The following NALF1 variants were observed in gnomAD, a reference collection of about 807,000 sequenced individuals.
The protein encoded by NALF1 is family with sequence similarity 155 member A.
Under a neutral mutation model 48.4 loss-of-function variants are expected in NALF1, and 3 were observed. The observed-to-expected ratio is 0.06, with a 90% confidence interval of 0.03 to 0.16. The LOEUF (loss-of-function observed/expected upper bound fraction) is 0.16. NALF1 is among the 10% of genes least tolerant of loss of function. The probability of loss-of-function intolerance (pLI) is 1.00; values close to 1 mark genes in which losing one functional copy is unlikely to be tolerated. For synonymous variants in NALF1, 262 were observed against 245.7 expected, an observed-to-expected ratio of 1.07 and a Z score of -0.62; for missense variants, 526 against 571.5, an observed-to-expected ratio of 0.92 and a Z score of 0.81.
intron 1 of NALF1, among the ~76,000 whole-genome samples, chr13:107,502,547 C>G (rs905657352): frequency 6.6e-6 from 1 of 152,178 alleles, no homozygotes; most frequent in Non-Finnish European, 1.5e-5. Flanking sequence ...ACCATCACCA[C>G]AGGTTACCTT....
Position 107,510,755 on chromosome 13 carries a change from C to T in NALF1, c.916-300000G>A, listed in dbSNP as rs754780925. ...GACATTCTGTGACCATGATGGACCACGAGCTCTGCATTCACACCTGAGCAC... is the reference window on the plus strand; with the variant it reads ...GACATTCTGTGACCATGATGGACCATGAGCTCTGCATTCACACCTGAGCAC... On this transcript the variant is annotated intron_variant, in intron 1 of 2. Coordinates refer to ENST00000375915, the MANE Select transcript of NALF1 (RefSeq NM_001080396.3). Among the ~76,000 whole-genome samples, 4 of 152,248 alleles carry T rather than the reference C, an allele frequency of 2.6e-5. No individual in the cohort carries two copies. The South Asian group carries it at 6.2e-4, about 24-fold the overall frequency.
chr13:107,557,410 G>A (rs781702868), intron 1 of NALF1, among the ~76,000 whole-genome samples: 15 of 152,100 alleles, frequency 9.9e-5, no homozygotes, highest in Non-Finnish European at 1.5e-4. Context: ...ATGGGGTGAC[G>A]GTTTGCATAC....
intron 1 of NALF1, among the ~76,000 whole-genome samples, chr13:107,707,528 G>A (rs944197788): frequency 6.6e-6 from 1 of 152,170 alleles, no homozygotes; most frequent in Admixed American, 6.5e-5. Flanking sequence ...GCACAGGCAT[G>A]TGACTTAGTC....
chr13:107,485,250 C>G (rs1199291456), intron 1 of NALF1, among the ~76,000 whole-genome samples: 1 of 152,116 alleles, frequency 6.6e-6, no homozygotes, highest in Non-Finnish European at 1.5e-5. Flanking sequence ...TTCGTGATTG[C>G]CAATTAGACT....
chr13:107,236,727 ATC>A (rs1334469552), intron 1 of NALF1, among the ~76,000 whole-genome samples: 2 of 131,878 alleles, frequency 1.5e-5, no homozygotes, highest in Non-Finnish European at 3.3e-5. Flanking sequence ...CTATCTATCT[ATC>A]TATCTATCAT....
intron 1 of NALF1, among the ~76,000 whole-genome samples, chr13:107,372,379 A>C (rs1440579472): frequency 2.0e-4 from 30 of 152,252 alleles, no homozygotes; most frequent in Admixed American, 2.0e-3. Flanking sequence ...ATGACATGCC[A>C]GCCATGAATA....
chr13:107,348,190 T>C (rs1188465419), intron 1 of NALF1, among the ~76,000 whole-genome samples: 1 of 152,218 alleles, frequency 6.6e-6, no homozygotes, highest in Admixed American at 6.5e-5. Flanking sequence ...TTCTGGTTGA[T>C]TGAGCAATCA....
chr13:107,222,849 A>G (rs996326687), intron 1 of NALF1, among the ~76,000 whole-genome samples: 9 of 152,216 alleles, frequency 5.9e-5, no homozygotes, highest in African/African-American at 1.9e-4. Context: ...GAATGAATGA[A>G]TGAATGAATG....
intron 1 of NALF1, among the ~76,000 whole-genome samples, chr13:107,415,587 A>G (rs974222404): frequency 3.3e-5 from 5 of 152,182 alleles, no homozygotes; most frequent in Non-Finnish European, 5.9e-5. Flanking sequence ...GCAAAACAAA[A>G]TATGTATGAC....
chr13:107,306,456 T>A (rs1218976870), intron 1 of NALF1, among the ~76,000 whole-genome samples: 1 of 152,182 alleles, frequency 6.6e-6, no homozygotes, highest in Non-Finnish European at 1.5e-5. Context: ...GTATTAATAA[T>A]GAAATCTGAT....
intron 1 of NALF1, among the ~76,000 whole-genome samples, chr13:107,620,303 C>A (rs901808784): frequency 6.6e-6 from 1 of 152,196 alleles, no homozygotes; most frequent in African/African-American, 2.4e-5. Context: ...CCATCAACAT[C>A]TGAGCCACAA....
At chr13:107,481,740 T>G (rs1224224300) in intron 1 of NALF1, among the ~76,000 whole-genome samples, 2 of 152,064 alleles carry the variant, frequency 1.3e-5, no homozygotes, top group African/African-American at 4.8e-5. Context: ...GTGCATCTAA[T>G]TAACAGCATA....
chr13:107,370,978 C>T lies in NALF1; in HGVS notation c.916-160223G>A, dbSNP rs1000800218. Among the ~76,000 whole-genome samples, 2 of 152,130 alleles carry T rather than the reference C, an allele frequency of 1.3e-5. 1 individual carries two copies. Among genetic ancestry groups the T allele is most frequent in the Non-Finnish European group, 2.9e-5 (2 of 68,016 alleles). On this transcript the variant is annotated intron_variant, in intron 1 of 2. Transcript: ENST00000375915. ...CCCATGGTTTAATTACCTTCCACCGCATCCCTCCCACAATGCATGAGGATT... is the reference window on the plus strand; with the variant it reads ...CCCATGGTTTAATTACCTTCCACCGTATCCCTCCCACAATGCATGAGGATT...
intron 1 of NALF1, among the ~76,000 whole-genome samples, chr13:107,496,704 T>C (rs1440687575): frequency 2.0e-5 from 3 of 152,188 alleles, no homozygotes; most frequent in African/African-American, 4.8e-5. Context: ...AGAGGTTTAT[T>C]GGACTTACAG....
At chr13:107,805,986 C>T (rs1878774339) in intron 1 of NALF1, among the ~76,000 whole-genome samples, 1 of 152,178 alleles carries the variant, frequency 6.6e-6, no homozygotes, top group African/African-American at 2.4e-5. Context: ...TACTGTCATT[C>T]ATAGTTCTAA....
chr13:107,683,581 G>A (rs571136754), intron 1 of NALF1, among the ~76,000 whole-genome samples: 20 of 152,292 alleles, frequency 1.3e-4, no homozygotes, highest in South Asian at 6.2e-4. Context: ...CAGTGGGGAC[G>A]GAGAATACAG....
intron 1 of NALF1, among the ~76,000 whole-genome samples, chr13:107,422,330 G>A (rs1433222847): frequency 6.6e-6 from 1 of 152,068 alleles, no homozygotes; most frequent in African/African-American, 2.4e-5. Context: ...TCAGTACATG[G>A]ACATGATGAA....
At chr13:107,668,430 T>C (rs960144924) in intron 1 of NALF1, among the ~76,000 whole-genome samples, 12 of 151,930 alleles carry the variant, frequency 7.9e-5, no homozygotes, top group African/African-American at 2.9e-4. Context: ...GTGCCTCTTA[T>C]CTTCCTATCC....
At chr13:107,863,796 A>G (rs1202538195) in intron 1 of NALF1, among the ~76,000 whole-genome samples, 1 of 152,158 alleles carries the variant, frequency 6.6e-6, no homozygotes, top group Non-Finnish European at 1.5e-5. Context: ...GTTAAGGGGA[A>G]AGAAAACTTT....
Sources: gnomAD v4.1 joint callset for allele counts (sites outside exome capture counted in the v4.1 genomes callset) on GRCh38, gnomAD v4.1.1 for gene constraint, MANE v1.5 for transcripts, NCBI Gene and HGNC (gene_info 2026-07-23, HGNC 2026-07-21) for gene names.